The following TAFA1 variants were observed in gnomAD, a reference collection of about 807,000 sequenced individuals.
The protein encoded by TAFA1 is TAFA chemokine like family member 1.
TAFA1 carries 4 observed loss-of-function variants against 18.5 expected under a neutral mutation model. The ratio of observed to expected loss-of-function variants is 0.22; its 90% CI spans 0.11 to 0.49. The LOEUF is 0.49. Ranked by LOEUF, TAFA1 falls within the 20% of genes least tolerant of loss-of-function variation. The pLI is 0.98. For synonymous variants in TAFA1, 56 were observed against 55.2 expected (o/e 1.01, Z -0.06); for missense variants, 147 against 169.0 (o/e 0.87, Z 0.72).
chr3:68,074,234 C>T (rs138428461), intron 2 of TAFA1, among the ~76,000 whole-genome samples: 6 of 152,218 alleles, frequency 3.9e-5, no homozygotes, highest in East Asian at 1.9e-4. Context: ...GGGCTTAATG[C>T]GAGTGACAGG....
At chr3:68,466,177 G>A (rs768833422) in intron 3 of TAFA1, among the ~76,000 whole-genome samples, 19 of 151,882 alleles carry the variant, frequency 1.3e-4, no homozygotes, top group Non-Finnish European at 2.4e-4. Context: ...TTCACTTCTC[G>A]GTAAAGCATT....
chr3:68,132,719 G>T (rs1209112761), intron 2 of TAFA1, among the ~76,000 whole-genome samples: 1 of 151,878 alleles, frequency 6.6e-6, no homozygotes, highest in Non-Finnish European at 1.5e-5. Flanking sequence ...TTTTTGATGG[G>T]GTCATTTGTT....
At chr3:68,089,751 G>A (rs879320859) in intron 2 of TAFA1, among the ~76,000 whole-genome samples, 21 of 152,134 alleles carry the variant, frequency 1.4e-4, no homozygotes, top group Non-Finnish European at 8.8e-5. Flanking sequence ...CACTCAGAGA[G>A]AATCCTTTTT....
intron 2 of TAFA1, among the ~76,000 whole-genome samples, chr3:68,410,629 A>G (rs142365186): frequency 1.7e-3 from 238 of 136,640 alleles, no homozygotes; most frequent in African/African-American, 5.8e-3. Flanking sequence ...ATTAGATAAT[A>G]GGTTACTTCA....
intron 3 of TAFA1, among the ~76,000 whole-genome samples, chr3:68,441,906 G>A (rs77311814): frequency 0.024 from 3,631 of 152,310 alleles, 70 homozygotes; most frequent in East Asian, 0.089. Flanking sequence ...TATCTTCCCA[G>A]TGGGCAGAAC....
intron 3 of TAFA1, among the ~76,000 whole-genome samples, chr3:68,507,125 A>C (rs1575934012): frequency 6.6e-6 from 1 of 152,192 alleles, no homozygotes; most frequent in South Asian, 2.1e-4. Flanking sequence ...AGAACCTTAA[A>C]CACCATGCCT....
chr3:68,124,184 G>C lies in TAFA1; in HGVS notation c.118+117440G>C, dbSNP rs547590455. Among the ~76,000 whole-genome samples, 3 of 152,274 alleles carry C rather than the reference G, an allele frequency of 2.0e-5. No individual in the cohort carries two copies. The South Asian group carries it at 6.2e-4, about 32-fold the overall frequency. On this transcript the variant is annotated intron_variant, in intron 2 of 4. Transcript: ENST00000478136. The stretch of plus-strand genomic sequence containing the variant: ...ATTAATGAAAGTTTTAAATGTGCTG[G>C]CTGTAAGCCTTGTCACTCGATGGTA...
intron 3 of TAFA1, among the ~76,000 whole-genome samples, chr3:68,520,061 C>A (rs1368752858): frequency 6.6e-6 from 1 of 152,108 alleles, no homozygotes; most frequent in African/African-American, 2.4e-5. Context: ...AACAGTTTGC[C>A]TATACTCAGA....
At chr3:68,177,611 C>A (rs1313723803) in intron 2 of TAFA1, among the ~76,000 whole-genome samples, 1 of 152,104 alleles carries the variant, frequency 6.6e-6, no homozygotes, top group Non-Finnish European at 1.5e-5. Flanking sequence ...AGTGTAGTCC[C>A]AATCTAAATA....
intron 2 of TAFA1, among the ~76,000 whole-genome samples, chr3:68,382,085 T>C (rs375727273): frequency 1.3e-5 from 2 of 152,328 alleles, no homozygotes; most frequent in South Asian, 4.1e-4. Context: ...TTACATTTAT[T>C]GATTTGTGTG....
chr3:68,480,562 G>T (rs902748782), intron 3 of TAFA1, among the ~76,000 whole-genome samples: 3 of 152,124 alleles, frequency 2.0e-5, no homozygotes, highest in Non-Finnish European at 4.4e-5. Context: ...TGAACTAAAT[G>T]ATCTGTAATA....
intron 2 of TAFA1, among the ~76,000 whole-genome samples, chr3:68,407,246 A>C (rs879805558): frequency 6.6e-6 from 1 of 152,136 alleles, no homozygotes; most frequent in Admixed American, 6.6e-5. Context: ...GTAAATTTTC[A>C]TGCCTACTCT....
intron 3 of TAFA1, among the ~76,000 whole-genome samples, chr3:68,501,164 A>G (rs1033497018): frequency 6.6e-6 from 1 of 151,600 alleles, no homozygotes; most frequent in Non-Finnish European, 1.5e-5. Flanking sequence ...GAAAAAAAAA[A>G]AAAAAAAAAA....
intron 2 of TAFA1, among the ~76,000 whole-genome samples, chr3:68,244,665 T>C (rs571751298): frequency 4.6e-5 from 7 of 152,208 alleles, no homozygotes; most frequent in African/African-American, 1.7e-4. Context: ...TGTGAGCCAC[T>C]CTCCCTAGCC....
intron 2 of TAFA1, among the ~76,000 whole-genome samples, chr3:68,235,397 C>T (rs889248594): frequency 3.3e-5 from 5 of 152,022 alleles, no homozygotes; most frequent in Admixed American, 6.6e-5. Context: ...AAATTCTGGG[C>T]GTGTTATTTA....
chr3:68,206,311 G>C (rs1349194461), intron 2 of TAFA1, among the ~76,000 whole-genome samples: 1 of 151,760 alleles, frequency 6.6e-6, no homozygotes, highest in Non-Finnish European at 1.5e-5. Context: ...AACAACCAAT[G>C]GCAAACAGAT....
At chr3:68,521,678 A>G (rs1051161409) in intron 3 of TAFA1, among the ~76,000 whole-genome samples, 5 of 152,088 alleles carry the variant, frequency 3.3e-5, no homozygotes, top group African/African-American at 1.2e-4. Flanking sequence ...TCCTCATGCA[A>G]ATGATTTTCT....
intron 2 of TAFA1, among the ~76,000 whole-genome samples, chr3:68,060,060 T>A (rs1477341401): frequency 1.3e-5 from 2 of 151,530 alleles, no homozygotes; most frequent in Admixed American, 1.3e-4. Context: ...TAATCAAGGC[T>A]TACTGAAGGA....
At chr3:68,078,204 T>C (rs555812578) in intron 2 of TAFA1, among the ~76,000 whole-genome samples, 53 of 152,278 alleles carry the variant, frequency 3.5e-4, no homozygotes, top group South Asian at 1.0e-3. Context: ...CTTAAGGAGA[T>C]TTTGGGCTGA....
Sources: allele counts gnomAD v4.1 joint callset (sites outside exome capture counted in the v4.1 genomes callset), GRCh38; gene constraint gnomAD v4.1.1; transcripts MANE v1.5; gene names NCBI Gene and HGNC (gene_info 2026-07-23, HGNC 2026-07-21).